MYO1F: variants seen among roughly 807,000 people sequenced by gnomAD.
MYO1F encodes the protein unconventional myosin-If.
Under a neutral mutation model 146.6 loss-of-function variants are expected in MYO1F, and 60 were observed. That is an observed-to-expected ratio of 0.41 (90% confidence interval 0.33 to 0.51). MYO1F has a LOEUF of 0.51. Among genes scored for constraint, MYO1F ranks in the 20% least tolerant of loss-of-function variants. The pLI is 0.25. For synonymous variants in MYO1F, 602 were observed against 602.1 expected (o/e 1.00, Z 0.00); for missense variants, 1,274 against 1,534.3 (o/e 0.83, Z 2.83).
At position 8,530,597 on chromosome 19, in the gene MYO1F, A is replaced by T. The variant is rs1169089981; in HGVS notation, c.2044-24T>A. The T allele has an allele frequency of 6.3e-7, 1 of 1,577,126 alleles. No homozygotes were observed. The highest frequency in any genetic ancestry group is 1.7e-5 in the Admixed American group (1 of 59,956). ...AGCTGGGCGGGGGTCGTGGGGGGCA[A>T]GGGTGAGTCCTGGTGTCTCCCCAGG... On this transcript the variant is annotated intron_variant, in intron 19 of 27. Coordinates refer to ENST00000644032, the MANE Select transcript of MYO1F (RefSeq NM_012335.4). The surrounding 1 kb of genome is among the most constrained non-coding windows in gnomAD (Gnocchi z 5.8).
At chr19:8,555,968 CAG>C (rs1973836471) in intron 1 of MYO1F, among the ~76,000 whole-genome samples, 172 bp from the exon 2 acceptor site, 1 of 151,788 alleles carries the variant, frequency 6.6e-6, no homozygotes, top group South Asian at 2.1e-4. Flanking sequence ...CTGCCCCAGA[CAG>C]AAGTTGCACT....
intron 25 of MYO1F, among the ~76,000 whole-genome samples, chr19:8,523,659 T>A (rs1972151857): frequency 6.6e-6 from 1 of 152,084 alleles, no homozygotes; most frequent in Non-Finnish European, 1.5e-5. Flanking sequence ...CCTTATTTAT[T>A]TTTTATTTGT....
At chr19:8,525,363 T>C in intron 25 of MYO1F, 116 bp downstream of exon 25, 1 of 908,606 alleles carries the variant, frequency 1.1e-6, no homozygotes, top group Non-Finnish European at 1.8e-6. Flanking sequence ...CGGAGAGTCC[T>C]GGACAGAGAA....
At position 8,545,735 on chromosome 19, in the gene MYO1F, T is replaced by A; in HGVS notation, c.1271A>T (p.Glu424Val). 1 of 1,613,162 alleles carries A rather than the reference T, an allele frequency of 6.2e-7. No homozygotes were observed. The highest frequency in any genetic ancestry group is 8.5e-7 in the Non-Finnish European group (1 of 1,179,228). ...FIELTLKAEQ[E>V]EYVQEGIRWT... The stretch of plus-strand genomic sequence containing the variant: ...GCGGATGCCTTCCTGCACATACTCC[T>A]CCTGGGGTGGAAAAGGGGGTGGATG... The change falls in exon 13 of 28, where the codon GAG becomes GTG. Residue 424 changes from glutamate to valine, a missense_variant and splice_region_variant. Glu to Val is a moderately radical substitution (Grantham distance 121, BLOSUM62 -2). Around this residue, in one of 2 missense-constraint regions of MYO1F, gnomAD observed 900 missense variants for 1,155.1 expected, o/e 0.78. Transcript: ENST00000644032.
chr19:8,526,925 C>T lies in MYO1F; in HGVS notation c.2485G>A (p.Asp829Asn). The T allele has an allele frequency of 6.2e-7, 1 of 1,613,994 alleles. No individual in the cohort carries two copies. The highest frequency in any genetic ancestry group is 1.1e-5 in the South Asian group (1 of 91,088). Reference sequence around the variant, plus strand: ...TCCTCTTGGAGGATGAAGAAGTCGTCCTGTCGCGTGCTGGGGAGGGGCGGG... The same window carrying T: ...TCCTCTTGGAGGATGAAGAAGTCGTTCTGTCGCGTGCTGGGGAGGGGCGGG... ...LRGVSLSTRQ[D>N]DFFILQEDAA... is the part of the protein sequence containing the mutation. The change falls in exon 23 of 28, where the codon GAC (aspartate) becomes AAC (asparagine). Residue 829 changes from aspartate to asparagine, a missense_variant. By Grantham distance (23) the Asp-to-Asn change is conservative. This residue lies in a region of MYO1F where 900 missense variants were observed against 1,155.1 expected (regional missense o/e 0.78). Transcript: ENST00000644032.
chr19:8,545,280 GTTT>G (rs368987048), intron 13 of MYO1F, among the ~76,000 whole-genome samples: 108 of 151,690 alleles, frequency 7.1e-4, no homozygotes, highest in African/African-American at 2.5e-3. Flanking sequence ...GTAGAGACAG[GTTT>G]TCACCATATT....
At chr19:8,534,277 T>G (rs1200155346) in intron 19 of MYO1F, among the ~76,000 whole-genome samples, 1 of 152,180 alleles carries the variant, frequency 6.6e-6, no homozygotes, top group East Asian at 1.9e-4. Context: ...ACTTTTTAAA[T>G]ATAGCACAGT....
intron 21 of MYO1F, among the ~76,000 whole-genome samples, chr19:8,528,203 CAG>C (rs1176640340): frequency 2.0e-5 from 3 of 151,594 alleles, no homozygotes; most frequent in African/African-American, 7.3e-5. Flanking sequence ...GCCTGGGTGA[CAG>C]AGCAAGACCC....
chr19:8,536,556 A>T lies in MYO1F; in HGVS notation c.1841T>A (p.Ile614Asn). The T allele has an allele frequency of 6.7e-7, 1 of 1,502,082 alleles. No homozygotes were observed. The highest frequency in any genetic ancestry group is 9.0e-7 in the Non-Finnish European group (1 of 1,112,346). 93.0% of individuals were successfully genotyped at this position (1,502,082 alleles called of 1,614,324 possible). Residue 614 changes from isoleucine (I) to asparagine (N), a missense_variant, in exon 18 of 28, where the codon ATC (isoleucine) becomes AAC (asparagine). This residue lies in a region of MYO1F where 900 missense variants were observed against 1,155.1 expected (regional missense o/e 0.78). Transcript: ENST00000644032. ...GGCGAAGCCGGCTCTGCGCACCCTGATGTTCTCCTTCAGGCCCAGGTATTC... is the reference window on the plus strand; with the variant it reads ...GGCGAAGCCGGCTCTGCGCACCCTGTTGTTCTCCTTCAGGCCCAGGTATTC... ...QVEYLGLKEN[I>N]RVRRAGFAYR...
At chr19:8,576,965 T>C (rs1486166497) in intron 1 of MYO1F, 1 of 493,584 alleles carries the variant, frequency 2.0e-6, no homozygotes, top group African/African-American at 1.9e-5. Context: ...GAGACTGGGC[T>C]GGACTGGGAA....
chr19:8,573,538 C>T (rs570870490), intron 1 of MYO1F, among the ~76,000 whole-genome samples: 2 of 152,116 alleles, frequency 1.3e-5, no homozygotes, highest in East Asian at 1.9e-4. Context: ...ACCACCACCA[C>T]GCTATAATAA....
At chr19:8,551,951 C>T in intron 7 of MYO1F, 77 bp from the exon 8 acceptor site, 4 of 1,613,668 alleles carry the variant, frequency 2.5e-6, no homozygotes, top group South Asian at 1.1e-5. Context: ...CCCTGCCATG[C>T]CCCCCTAGGT....
chr19:8,548,839 C>T (rs577516256), intron 10 of MYO1F, among the ~76,000 whole-genome samples: 3 of 151,556 alleles, frequency 2.0e-5, no homozygotes, highest in East Asian at 2.0e-4. Flanking sequence ...CCGCCCGCCT[C>T]GGCCTCCCAA....
intron 4 of MYO1F, among the ~76,000 whole-genome samples, chr19:8,553,914 T>TCTCTCTCTCTCTCTCTCTCTCG (rs1178542513): frequency 1.8e-4 from 25 of 135,746 alleles, no homozygotes; most frequent in Admixed American, 5.8e-4. Context: ...TCTCTCTCTC[T>TCTCTCTCTCTCTCTCTCTCTCG]CTCTCTCTCG....
chr19:8,557,104 A>G (rs1407659798), intron 1 of MYO1F, among the ~76,000 whole-genome samples: 1 of 151,958 alleles, frequency 6.6e-6, no homozygotes. Context: ...TGGGCAACAT[A>G]GTGAGACCCC....
intron 12 of MYO1F, chr19:8,547,816 C>T: frequency 5.3e-6 from 3 of 562,666 alleles, no homozygotes; most frequent in Non-Finnish European, 9.6e-6. Flanking sequence ...AACAGGTGCT[C>T]AATAAATAAT....
In MYO1F at chr19:8,543,687, G is replaced by C. The variant is rs868161850; in HGVS notation, c.1524+610C>G. On this transcript the variant is annotated intron_variant, in intron 14 of 27. Coordinates refer to ENST00000644032, the MANE Select transcript of MYO1F (RefSeq NM_012335.4). ...GGTGGTGGTGGTGCTGGTGGTGGTG[G>C]TGGTGGTGGTGGTGGTGGTGCTGGT... 2.6e-3 allele frequency among the ~76,000 whole-genome samples: 128 copies of C among 48,556 alleles called. 1 individual carries two copies. The highest frequency in any genetic ancestry group is 8.2e-3 in the African/African-American group (66 of 8,050). The allele number at this position is 48,556 out of a possible 152,430, so 31.9% of individuals were successfully genotyped here. A position where few individuals can be genotyped will look rare whatever the true frequency, so the allele number is the denominator to read the frequency against.
Position 8,536,373 on chromosome 19 carries a change from G to C in MYO1F, c.1922C>G (p.Thr641Arg). 6.2e-7 allele frequency: 1 copy of C among 1,606,144 alleles called. No individual in the cohort carries two copies. The highest frequency in any genetic ancestry group is 1.1e-5 in the South Asian group (1 of 91,046). ...TTCGTCCCCACGCCACCGCGGCCACGTCTCGGGGGTCAGAATGGCATACCT... is the reference window on the plus strand; with the variant it reads ...TTCGTCCCCACGCCACCGCGGCCACCTCTCGGGGGTCAGAATGGCATACCT... The part of the protein sequence containing the change: ...LQRYAILTPE[T>R]WPRWRGDERQ... Residue 641 changes from threonine to arginine, a missense_variant, in exon 19 of 28, where the codon ACG (threonine) becomes AGG (arginine). Physicochemically the swap from Thr to Arg is moderately conservative, Grantham distance 71. Transcript: ENST00000644032.
At chr19:8,557,076 A>G (rs541923003) in intron 1 of MYO1F, among the ~76,000 whole-genome samples, 248 of 152,148 alleles carry the variant, frequency 1.6e-3, no homozygotes, top group Non-Finnish European at 1.7e-3. Context: ...GCTTAAGGCC[A>G]GCAGTTCAAG....
Sources: allele counts gnomAD v4.1 joint callset (sites outside exome capture counted in the v4.1 genomes callset), GRCh38; gene constraint gnomAD v4.1.1; regional missense constraint gnomAD v4.1.1; non-coding constraint Gnocchi (gnomAD v3.1); transcripts MANE v1.5; gene names NCBI Gene and HGNC (gene_info 2026-07-23, HGNC 2026-07-21).